The following PI4K2B variants were observed in gnomAD, a reference collection of about 807,000 sequenced individuals.
PI4K2B encodes the protein phosphatidylinositol 4-kinase type 2-beta.
In PI4K2B, 46 loss-of-function variants were observed where a neutral mutation model predicts 56.6. That is an observed-to-expected ratio of 0.81 (90% CI 0.64 to 1.04). The LOEUF (loss-of-function observed/expected upper bound fraction) is 1.04. Ranked by LOEUF, PI4K2B falls within the 50% of genes least tolerant of loss-of-function variation. PI4K2B has a pLI of 0.00. For missense variants in PI4K2B, 556 were observed against 607.7 expected (o/e 0.91, Z 0.89); for synonymous variants, 211 against 223.8 (o/e 0.94, Z 0.51).
In PI4K2B at chr4:25,252,453, A is replaced by G. The variant is rs1343776022; in HGVS notation, c.401A>G (p.Tyr134Cys). 1 of 1,611,474 alleles carries G rather than the reference A, an allele frequency of 6.2e-7. No individual in the cohort carries two copies. The highest frequency in any genetic ancestry group is 8.5e-7 in the Non-Finnish European group (1 of 1,177,632). Residue 134 changes from tyrosine to cysteine, a missense_variant, in exon 2 of 10, where the codon TAC becomes TGC. Physicochemically the swap from Tyr to Cys is radical, Grantham distance 194. Coordinates refer to ENST00000264864, the MANE Select transcript of PI4K2B (RefSeq NM_018323.4). ...ERISQGSSGSYFVKDPKRKII... is the reference protein window; with the variant it reads ...ERISQGSSGSCFVKDPKRKII... ...ATCTCTCAAGGTTCAAGTGGAAGTT[A>G]CTTTGTGAAGGATCCTAAGAGGGTG... is the stretch of plus-strand genomic sequence containing the variant.
intron 9 of PI4K2B, chr4:25,276,801 G>T (rs1479311499): frequency 2.2e-5 from 19 of 874,814 alleles, no homozygotes; most frequent in Non-Finnish European, 2.5e-5. Flanking sequence ...AATGCTAATT[G>T]TGTGTGTGTG....
At chr4:25,239,629 A>C (rs1657562184) in intron 1 of PI4K2B, among the ~76,000 whole-genome samples, 2 of 152,118 alleles carry the variant, frequency 1.3e-5, no homozygotes, top group Non-Finnish European at 2.9e-5. Flanking sequence ...ACACCTCCCC[A>C]CAAGCTGAGG....
In PI4K2B at chr4:25,268,437, T is replaced by C. The variant is rs769784052; in HGVS notation, c.1079-6T>C. On this transcript the variant is annotated splice_region_variant and splice_polypyrimidine_tract_variant and intron_variant, in intron 7 of 9. Transcript: ENST00000264864. ...CACTGATTAGGAGAATGCTTTTTTC[T>C]ATTAGATCCATTTCACTGGGCTTGG... The C allele has an allele frequency of 6.2e-7, 1 of 1,600,242 alleles. No individual in the cohort carries two copies. The highest frequency in any genetic ancestry group is 1.1e-5 in the South Asian group (1 of 87,850).
intron 7 of PI4K2B, chr4:25,267,800 G>T (rs773519505): frequency 5.1e-6 from 5 of 977,978 alleles, no homozygotes; most frequent in South Asian, 9.5e-5. Flanking sequence ...TGGATCTTTT[G>T]TCTCTTAAAA....
At chr4:25,260,653 CACACACACACAT>C in intron 6 of PI4K2B, 62 bp downstream of exon 6, 1 of 342,322 alleles carries the variant, frequency 2.9e-6, no homozygotes, top group Non-Finnish European at 5.2e-6. Context: ...CACACACACA[CACACACACACAT>C]ACACACACAC....
chr4:25,238,705 A>T (rs1294734145), intron 1 of PI4K2B, among the ~76,000 whole-genome samples: 2 of 152,106 alleles, frequency 1.3e-5, no homozygotes, highest in Non-Finnish European at 2.9e-5. Flanking sequence ...CGCTGGCTTC[A>T]GGAGTGAAGC....
chr4:25,234,216 C>CGGAGGA lies in PI4K2B; in HGVS notation c.63_68dup (p.Glu21_Glu22dup). The CGGAGGA allele has an allele frequency of 2.1e-6, 3 of 1,411,930 alleles. No individual in the cohort carries two copies. The highest frequency in any genetic ancestry group is 3.0e-5 in the South Asian group (2 of 67,040). 87.5% of individuals were successfully genotyped at this position (1,411,930 alleles called of 1,614,324 possible). Reference sequence around the variant, plus strand: ...TTGGCGTCCGCGGACGGCGGGAGCCCGGAGGAGGAGGAGGATGGGGAGCGG... The same window carrying CGGAGGA: ...TTGGCGTCCGCGGACGGCGGGAGCCCGGAGGAGGAGGAGGAGGAGGATGGGGAGCGG... On this transcript the variant is annotated inframe_insertion, in exon 1 of 10. Coordinates refer to ENST00000264864, the MANE Select transcript of PI4K2B (RefSeq NM_018323.4).
intron 1 of PI4K2B, among the ~76,000 whole-genome samples, chr4:25,244,758 C>T (rs182078015): frequency 9.9e-5 from 15 of 151,636 alleles, no homozygotes; most frequent in South Asian, 2.1e-4. Flanking sequence ...CCCTGCTGAT[C>T]GGAATAGTTG....
intron 2 of PI4K2B, 131 bp downstream of exon 2, chr4:25,252,606 G>A: frequency 1.3e-6 from 1 of 743,778 alleles, no homozygotes; most frequent in Non-Finnish European, 2.2e-6. Flanking sequence ...CAAAACAAAG[G>A]TCAGTTTTTG....
At chr4:25,247,305 G>T (rs1186251562) in intron 1 of PI4K2B, among the ~76,000 whole-genome samples, 1 of 152,270 alleles carries the variant, frequency 6.6e-6, no homozygotes, top group Non-Finnish European at 1.5e-5. Flanking sequence ...GTGAGTGGCG[G>T]TGTGTTGGAG....
intron 1 of PI4K2B, 46 bp downstream of exon 1, chr4:25,234,477 GC>G: frequency 1.6e-6 from 2 of 1,215,250 alleles, no homozygotes; most frequent in Non-Finnish European, 2.1e-6. Context: ...CCGGGCGGCT[GC>G]CCCTGTCGCC....
In PI4K2B at chr4:25,256,589, G is replaced by T; in HGVS notation, c.671G>T (p.Arg224Leu). ...SETFNYNAID[R>L]AKSRGKKYAL... ...ACATTTAACTATAATGCGATTGACC[G>T]TGCAAAATCAAGAGGCAAAAAGTAT... Residue 224 changes from arginine (R) to leucine (L), a missense_variant, in exon 4 of 10, where the codon CGT (arginine) becomes CTT (leucine). Arg to Leu is a moderately radical substitution (Grantham distance 102). Coordinates refer to ENST00000264864, the MANE Select transcript of PI4K2B (RefSeq NM_018323.4). 6.8e-6 allele frequency: 11 copies of T among 1,613,652 alleles called. No homozygotes were observed. Among genetic ancestry groups the T allele is most frequent in the Non-Finnish European group, 9.3e-6 (11 of 1,179,694 alleles).
chr4:25,249,824 C>T (rs886840277), intron 1 of PI4K2B, among the ~76,000 whole-genome samples: 6 of 152,090 alleles, frequency 3.9e-5, no homozygotes, highest in Admixed American at 1.3e-4. Context: ...GGGTGGCGGT[C>T]GGGCAGAGAC....
chr4:25,235,528 A>AG (rs1361441543), intron 1 of PI4K2B, among the ~76,000 whole-genome samples: 1 of 152,342 alleles, frequency 6.6e-6, no homozygotes, highest in African/African-American at 2.4e-5. Flanking sequence ...GAGAATCCCA[A>AG]GGGGAGCAGT....
rs1717150332 is a variant in PI4K2B at position 25,277,544 on chromosome 4, T to TA, written c.*358dup. 1 of 157,840 alleles carries TA rather than the reference T, an allele frequency of 6.3e-6. No individual in the cohort carries two copies. Among genetic ancestry groups the TA allele is most frequent in the African/African-American group, 2.4e-5 (1 of 41,654 alleles). The allele number at this position is 157,840 out of a possible 1,614,324, so 9.8% of individuals were successfully genotyped here. A position where few individuals can be genotyped will look rare whatever the true frequency, so the allele number is the denominator to read the frequency against. On this transcript the variant is annotated 3_prime_UTR_variant, in exon 10 of 10. Coordinates refer to ENST00000264864, the MANE Select transcript of PI4K2B (RefSeq NM_018323.4). Reference sequence around the variant, plus strand: ...GAAGAATGTTCATGCTAATTCTTCTTACATTACAAAAGGCCTTTGAGGATG... The same window carrying TA: ...GAAGAATGTTCATGCTAATTCTTCTTAACATTACAAAAGGCCTTTGAGGATG...
chr4:25,246,992 C>G (rs570641223), intron 1 of PI4K2B, among the ~76,000 whole-genome samples: 2 of 152,368 alleles, frequency 1.3e-5, no homozygotes, highest in East Asian at 3.9e-4. Context: ...CCACCCGCAC[C>G]TGTCCCTCCA....
intron 1 of PI4K2B, among the ~76,000 whole-genome samples, chr4:25,244,959 A>G (rs1229158122): frequency 5.9e-5 from 9 of 152,208 alleles, no homozygotes; most frequent in Non-Finnish European, 4.4e-5. Context: ...TAAAGATGTT[A>G]TGCCCCAAAA....
At chr4:25,252,181 G>A (rs1480992486) in intron 1 of PI4K2B, 140 bp from the exon 2 acceptor site, 1 of 557,518 alleles carries the variant, frequency 1.8e-6, no homozygotes, top group South Asian at 2.7e-5. Context: ...GTTAGGCAGT[G>A]GGGGGAAGGA....
intron 6 of PI4K2B, 42 bp downstream of exon 6, chr4:25,260,633 TATATATATACACAC>T (rs911194388): frequency 2.6e-4 from 16 of 61,404 alleles, no homozygotes; most frequent in East Asian, 5.8e-4. Flanking sequence ...TATATATATA[TATATATATACACAC>T]ACACACACAC....
Sources: allele counts gnomAD v4.1 joint callset (sites outside exome capture counted in the v4.1 genomes callset), GRCh38; gene constraint gnomAD v4.1.1; transcripts MANE v1.5; gene names NCBI Gene and HGNC (gene_info 2026-07-23, HGNC 2026-07-21).